ATG7: variants seen among roughly 807,000 people sequenced by gnomAD.
ATG7 encodes the protein autophagy related 7.
Under a neutral mutation model 82.4 loss-of-function variants are expected in ATG7, and 70 were observed. That is an observed-to-expected ratio of 0.85 (90% CI 0.70 to 1.04). The LOEUF is 1.04. Among genes scored for constraint, ATG7 ranks in the 50% least tolerant of loss-of-function variants. ATG7 has a pLI of 0.00. For synonymous variants in ATG7, 287 were observed against 313.0 expected, an observed-to-expected ratio of 0.92 and a Z score of 0.88; for missense variants, 792 against 864.3, an observed-to-expected ratio of 0.92 and a Z score of 1.05.
intron 1 of ATG7, among the ~76,000 whole-genome samples, chr3:11,275,515 A>ATTTTTTTTTT (rs34040398): frequency 9.2e-6 from 1 of 109,208 alleles, no homozygotes. Context: ...TGCCCGGCTA[A>ATTTTTTTTTT]TTTTTTTTTT....
At chr3:11,416,747 T>A (rs907572646) in intron 19 of ATG7, among the ~76,000 whole-genome samples, 1 of 152,166 alleles carries the variant, frequency 6.6e-6, no homozygotes, top group Non-Finnish European at 1.5e-5. Flanking sequence ...CTGCTTACTG[T>A]GGATTTAATT....
At chr3:11,548,941 C>T (rs2071529248) in intron 20 of ATG7, among the ~76,000 whole-genome samples, 1 of 152,208 alleles carries the variant, frequency 6.6e-6, no homozygotes, top group Non-Finnish European at 1.5e-5. Context: ...GCCAGATTGT[C>T]CTCTGCAGGG....
At chr3:11,417,980 T>C (rs933765237) in intron 19 of ATG7, among the ~76,000 whole-genome samples, 2 of 151,344 alleles carry the variant, frequency 1.3e-5, no homozygotes, top group Non-Finnish European at 2.9e-5. Context: ...GCTGATTTTT[T>C]GTATTTTTTT....
intron 7 of ATG7, among the ~76,000 whole-genome samples, chr3:11,310,276 A>G (rs1379412502): frequency 6.6e-6 from 1 of 152,182 alleles, no homozygotes; most frequent in Non-Finnish European, 1.5e-5. Flanking sequence ...CGGGCATATA[A>G]ACACAGTAAT....
At chr3:11,477,314 G>C in intron 20 of ATG7, 1 of 1,191,222 alleles carries the variant, frequency 8.4e-7, no homozygotes, top group Non-Finnish European at 1.1e-6. Flanking sequence ...AAGAATTTTT[G>C]TGCTACAAAC....
At chr3:11,437,687 A>G (rs902231228) in intron 20 of ATG7, among the ~76,000 whole-genome samples, 3 of 152,136 alleles carry the variant, frequency 2.0e-5, no homozygotes, top group Non-Finnish European at 2.9e-5. Flanking sequence ...ATTTTGCCAC[A>G]TGTGGTTTAT....
chr3:11,402,869 T>C (rs2079969607), intron 19 of ATG7, among the ~76,000 whole-genome samples: 1 of 152,214 alleles, frequency 6.6e-6, no homozygotes. Context: ...CCTGGTTACA[T>C]AGACTTACCA....
chr3:11,448,405 T>C (rs890841927), intron 20 of ATG7, among the ~76,000 whole-genome samples: 5 of 152,162 alleles, frequency 3.3e-5, no homozygotes, highest in Non-Finnish European at 5.9e-5. Context: ...CTGGAGCCCC[T>C]GAGGTCAGCA....
At chr3:11,442,387 C>T (rs996239920) in intron 20 of ATG7, among the ~76,000 whole-genome samples, 3 of 152,084 alleles carry the variant, frequency 2.0e-5, no homozygotes, top group African/African-American at 7.2e-5. Flanking sequence ...ATCTTTAATA[C>T]AAACATTTGT....
intron 20 of ATG7, among the ~76,000 whole-genome samples, chr3:11,444,937 G>A (rs143208752): frequency 3.4e-4 from 51 of 152,196 alleles, no homozygotes; most frequent in African/African-American, 9.1e-4. Context: ...TACATGTGGC[G>A]AAAAAGCATA....
chr3:11,453,713 A>G (rs2085423566), intron 20 of ATG7, among the ~76,000 whole-genome samples: 1 of 152,012 alleles, frequency 6.6e-6, no homozygotes, highest in African/African-American at 2.4e-5. Flanking sequence ...TGAATTGGCA[A>G]TTGTGTGTCC....
At chr3:11,558,894 C>A, downstream of ATG7, 1 of 1,559,140 alleles carries the variant, frequency 6.4e-7, no homozygotes. Flanking sequence ...ACGGTTGCAG[C>A]ACCCTCCCTC....
At chr3:11,297,644 A>G (rs1946163221) in intron 3 of ATG7, among the ~76,000 whole-genome samples, 2 of 152,242 alleles carry the variant, frequency 1.3e-5, no homozygotes, top group South Asian at 4.1e-4. Context: ...ATCATGGCAC[A>G]AAATACAAAA....
At chr3:11,332,194 T>A (rs201829835) in intron 10 of ATG7, among the ~76,000 whole-genome samples, 1 of 152,224 alleles carries the variant, frequency 6.6e-6, no homozygotes, top group Non-Finnish European at 1.5e-5. Context: ...AAATGTCATA[T>A]ACAATGAATC....
intron 19 of ATG7, among the ~76,000 whole-genome samples, chr3:11,381,087 C>T (rs372420637): frequency 1.1e-4 from 16 of 152,074 alleles, no homozygotes; most frequent in East Asian, 3.8e-4. Context: ...TTTTTGCTTC[C>T]GAAGTAAACT....
intron 20 of ATG7, chr3:11,529,798 A>G (rs1244627838): frequency 6.6e-6 from 1 of 152,328 alleles, no homozygotes; most frequent in Non-Finnish European, 1.5e-5. Flanking sequence ...AGGACCAGAG[A>G]GTTGATGTCT....
At chr3:11,374,148 CA>C (rs1489803567) in intron 18 of ATG7, among the ~76,000 whole-genome samples, 2 of 152,104 alleles carry the variant, frequency 1.3e-5, no homozygotes, top group African/African-American at 4.8e-5. Context: ...CCAGAATACC[CA>C]AAACGATCCT....
chr3:11,399,432 G>C (rs1192998307), intron 19 of ATG7, among the ~76,000 whole-genome samples: 1 of 152,150 alleles, frequency 6.6e-6, no homozygotes. Context: ...TATTATTAAG[G>C]AGGCAGGCAG....
chr3:11,431,103 T>C (rs1421164379), intron 20 of ATG7, among the ~76,000 whole-genome samples: 2 of 152,210 alleles, frequency 1.3e-5, no homozygotes, highest in African/African-American at 4.8e-5. Flanking sequence ...TCACATACCA[T>C]AAAACACACC....
Sources: allele counts gnomAD v4.1 joint callset (sites outside exome capture counted in the v4.1 genomes callset), GRCh38; gene constraint gnomAD v4.1.1; transcripts MANE v1.5; gene names NCBI Gene and HGNC (gene_info 2026-07-23, HGNC 2026-07-21).